The following PIGR variants were observed in gnomAD, a reference collection of about 807,000 sequenced individuals.
The protein encoded by PIGR is hepatocellular carcinoma associated protein TB6.
A neutral mutation model predicts 69.5 loss-of-function variants in PIGR; 22 were observed. The ratio of observed to expected loss-of-function variants is 0.32; its 90% confidence interval spans 0.23 to 0.45. The LOEUF (loss-of-function observed/expected upper bound fraction) is 0.45, where lower values mean the gene tolerates loss of function less well. PIGR is among the 20% of genes least tolerant of loss of function. The pLI, the probability that PIGR is intolerant of heterozygous loss-of-function variation, is 1.00. For synonymous variants in PIGR, 413 were observed against 407.6 expected (o/e 1.01, Z -0.16); for missense variants, 885 against 974.0 (o/e 0.91, Z 1.22).
At position 206,933,809 on chromosome 1, in the gene PIGR, G is replaced by T. The variant is rs965160680; in HGVS notation, c.1705+611C>A. ...TATGCATATTATTCTTCTATACAGA[G>T]AAGAATATTTCCAGATATAGAAGAG... On this transcript the variant is annotated intron_variant, in intron 6 of 10. Transcript: ENST00000356495. 2.0e-4 allele frequency among the ~76,000 whole-genome samples: 31 copies of T among 152,036 alleles called. 1 individual carries two copies. Among genetic ancestry groups the T allele is most frequent in the Non-Finnish European group, 2.9e-5 (2 of 68,024 alleles).
chr1:206,933,508 A>T (rs976290247), intron 6 of PIGR, among the ~76,000 whole-genome samples: 2 of 152,152 alleles, frequency 1.3e-5, no homozygotes, highest in Admixed American at 1.3e-4. Context: ...GCTGGGTATG[A>T]TAGTGCTGCC....
At chr1:206,939,588 A>C (rs1341692121) in intron 2 of PIGR, 125 bp from the exon 3 acceptor site, 2 of 601,556 alleles carry the variant, frequency 3.3e-6, no homozygotes, top group Non-Finnish European at 5.9e-6. Flanking sequence ...AATTTATCAT[A>C]TATCACAGCT....
intron 1 of PIGR, among the ~76,000 whole-genome samples, chr1:206,943,768 G>C (rs1340828517): frequency 2.0e-5 from 3 of 152,200 alleles, no homozygotes; most frequent in Non-Finnish European, 2.9e-5. Flanking sequence ...TAGAGAGATG[G>C]AGAGTGAGCT....
intron 3 of PIGR, among the ~76,000 whole-genome samples, chr1:206,938,832 CAAACACCAGA>C (rs1228817522): frequency 6.6e-6 from 1 of 152,130 alleles, no homozygotes; most frequent in Non-Finnish European, 1.5e-5. Flanking sequence ...CTACCTGTAG[CAAACACCAGA>C]AAACTTGTCC....
Position 206,937,299 on chromosome 1 carries a change from C to T in PIGR, c.841G>A (p.Val281Met), listed in dbSNP as rs533063995. 20 of 1,613,136 alleles carry T rather than the reference C, an allele frequency of 1.2e-5. No homozygotes were observed. The highest frequency in any genetic ancestry group is 1.7e-5 in the Admixed American group (1 of 59,898). ...CRQSSGENCD[V>M]VVNTLGKRAP... Reference sequence around the variant, plus strand: ...CTCTTCCCCAGGGTGTTGACGACCACGTCACAGTTTTCCCCACTGCTCTGT... The same window carrying T: ...CTCTTCCCCAGGGTGTTGACGACCATGTCACAGTTTTCCCCACTGCTCTGT... Residue 281 changes from valine to methionine, a missense_variant, in exon 4 of 11, where the codon GTG (valine) becomes ATG (methionine). Val to Met is a conservative substitution (Grantham distance 21, BLOSUM62 1). Transcript: ENST00000356495.
Position 206,937,156 on chromosome 1 carries a change from A to G in PIGR, c.984T>C (p.His328=). 6.2e-7 allele frequency: 1 copy of G among 1,613,482 alleles called. No individual in the cohort carries two copies. The highest frequency in any genetic ancestry group is 8.5e-7 in the Non-Finnish European group (1 of 1,179,730). ...EDAGRYLCGA[H]SDGQLQEGSP... is the part of the protein sequence containing the mutation. ...AGCCTTCCTGCAGCTGACCATCCGA[A>G]TGGGCTCCACACAGGTAGCGCCCTG... Residue 328 remains histidine (H), a synonymous_variant, in exon 4 of 11, where the codon CAT becomes CAC. Coordinates refer to ENST00000356495, the MANE Select transcript of PIGR (RefSeq NM_002644.4).
At chr1:206,936,094 G>T (rs1365761296) in intron 4 of PIGR, among the ~76,000 whole-genome samples, 1 of 152,196 alleles carries the variant, frequency 6.6e-6, no homozygotes, top group African/African-American at 2.4e-5. Flanking sequence ...AATGGAAGGA[G>T]TTGAAGGAGA....
At chr1:206,944,981 C>A (rs1190099578) in intron 1 of PIGR, among the ~76,000 whole-genome samples, 1 of 152,142 alleles carries the variant, frequency 6.6e-6, no homozygotes, top group Non-Finnish European at 1.5e-5. Flanking sequence ...GGTGTGAAAG[C>A]CCAGGGCAAG....
chr1:206,940,574 C>G lies in PIGR; in HGVS notation c.-43G>C. On this transcript the variant is annotated 5_prime_UTR_variant, in exon 2 of 11. Coordinates refer to ENST00000356495, the MANE Select transcript of PIGR (RefSeq NM_002644.4). Reference sequence around the variant, plus strand: ...CGCCGCACCACTCAGGCCGACTTCTCCTGTGCAATGCTGAAAAACAATAAT... The same window carrying G: ...CGCCGCACCACTCAGGCCGACTTCTGCTGTGCAATGCTGAAAAACAATAAT... The G allele has an allele frequency of 6.5e-7, 1 of 1,533,882 alleles. No homozygotes were observed. Among genetic ancestry groups the G allele is most frequent in the South Asian group, 1.2e-5 (1 of 81,942 alleles).
At position 206,939,062 on chromosome 1, in the gene PIGR, A is replaced by G. The variant is rs1373630613; in HGVS notation, c.388+57T>C. The stretch of plus-strand genomic sequence containing the variant: ...AAGTTCCTCCTCAAGCCCTCCATGC[A>G]CCTTAGAGAATTCCCTCTAACTTTC... On this transcript the variant is annotated intron_variant, in intron 3 of 10. Coordinates refer to ENST00000356495, the MANE Select transcript of PIGR (RefSeq NM_002644.4). The G allele has an allele frequency of 4.1e-6, 6 of 1,452,898 alleles. No individual in the cohort carries two copies. The East Asian group carries it at 9.1e-5, about 22-fold the overall frequency. The allele number at this position is 1,452,898 out of a possible 1,614,324, so 90.0% of individuals were successfully genotyped here. A position where few individuals can be genotyped will look rare whatever the true frequency, so the allele number is the denominator to read the frequency against.
At position 206,937,130 on chromosome 1, in the gene PIGR, G is replaced by T; in HGVS notation, c.1010C>A (p.Ser337Ter). 2 of 1,610,214 alleles carry T rather than the reference G, an allele frequency of 1.2e-6. No homozygotes were observed. Among genetic ancestry groups the T allele is most frequent in the Non-Finnish European group, 1.7e-6 (2 of 1,178,084 alleles). ...AHSDGQLQEG[S>*]PIQAWQLFVN... ...GAAGAGTTGCCAGGCCTGGATAGGC[G>T]AGCCTTCCTGCAGCTGACCATCCGA... The change falls in exon 4 of 11, where the codon TCG becomes TAG. Residue 337 changes from serine (S) to a stop codon, truncating the protein, a stop_gained. Transcript: ENST00000356495. LOFTEE classifies it high-confidence loss of function.
chr1:206,945,936 T>A (rs1368793439), intron 1 of PIGR, among the ~76,000 whole-genome samples: 1 of 152,234 alleles, frequency 6.6e-6, no homozygotes, highest in African/African-American at 2.4e-5. Flanking sequence ...TAGGTGTTAT[T>A]TCTATCTTTG....
intron 1 of PIGR, among the ~76,000 whole-genome samples, chr1:206,942,835 C>T (rs550188228): frequency 6.6e-6 from 1 of 152,210 alleles, no homozygotes; most frequent in Non-Finnish European, 1.5e-5. Flanking sequence ...ATCAGGCATG[C>T]ACAGGCAGGT....
intron 3 of PIGR, 143 bp from the exon 4 acceptor site, chr1:206,937,894 A>G (rs915008419): frequency 1.4e-6 from 1 of 708,716 alleles, no homozygotes; most frequent in Non-Finnish European, 2.3e-6. Flanking sequence ...ATGCTGTCGG[A>G]AGGCCCAGCT....
At chr1:206,937,808 C>T in intron 3 of PIGR, 57 bp from the exon 4 acceptor site, 1 of 1,476,720 alleles carries the variant, frequency 6.8e-7, no homozygotes, top group Admixed American at 1.8e-5. Flanking sequence ...TACTTTCTTG[C>T]AACATAGGAC....
rs181342447 is a variant in PIGR, at chr1:206,940,441, G to C, written c.43+48C>G. ...CCAGGGAGGTGAACCCTGGAGTCGG[G>C]CAGGCTGAAGGGGTGGAGCTTGGAG... On this transcript the variant is annotated intron_variant, in intron 2 of 10. Coordinates refer to ENST00000356495, the MANE Select transcript of PIGR (RefSeq NM_002644.4). 3 of 1,533,308 alleles carry C rather than the reference G, an allele frequency of 2.0e-6. No individual in the cohort carries two copies. The African/African-American group carries it at 4.1e-5, about 21-fold the overall frequency. 95.0% of individuals were successfully genotyped at this position (1,533,308 alleles called of 1,614,324 possible). A position where few individuals can be genotyped will look rare whatever the true frequency, so the allele number is the denominator to read the frequency against.
At chr1:206,945,614 A>G (rs968887944) in intron 1 of PIGR, among the ~76,000 whole-genome samples, 1 of 152,188 alleles carries the variant, frequency 6.6e-6, no homozygotes, top group South Asian at 2.1e-4. Context: ...TATGTCTCCC[A>G]TGGCAGGAAT....
chr1:206,930,235 G>A lies in PIGR; in HGVS notation c.*83C>T. ...AGGCAGGTGTTAGAGCAGGGAGTGG[G>A]GTCCCCAGGAGCTGAGGGCCCCAGG... On this transcript the variant is annotated 3_prime_UTR_variant, in exon 11 of 11. Coordinates refer to ENST00000356495, the MANE Select transcript of PIGR (RefSeq NM_002644.4). The surrounding 1 kb of genome is among the most constrained non-coding windows in gnomAD (Gnocchi z 4.3). The A allele has an allele frequency of 8.1e-7, 1 of 1,237,102 alleles. No homozygotes were observed. The highest frequency in any genetic ancestry group is 1.1e-6 in the Non-Finnish European group (1 of 890,304). The allele number at this position is 1,237,102 out of a possible 1,614,324, so 76.6% of individuals were successfully genotyped here.
chr1:206,935,826 C>G lies in PIGR; in HGVS notation c.1046-8G>C, dbSNP rs375351910. ...TGCGGGGAATCGTGGACTCTGGAAG[C>G]ACAGACAGAGATGGGATGGGAGGAT... On this transcript the variant is annotated splice_region_variant and splice_polypyrimidine_tract_variant and intron_variant, in intron 4 of 10. Transcript: ENST00000356495. This position sits in a 1 kb window ranked among gnomAD's most constrained non-coding sequence, Gnocchi z 4.4. 4.4e-6 allele frequency: 7 copies of G among 1,581,070 alleles called. No homozygotes were observed. In the South Asian group the frequency reaches 4.6e-5, roughly 10 times the overall value.
Sources: gnomAD v4.1 joint callset for allele counts (sites outside exome capture counted in the v4.1 genomes callset) on GRCh38, gnomAD v4.1.1 for gene constraint, Gnocchi (gnomAD v3.1) non-coding constraint, MANE v1.5 for transcripts, NCBI Gene and HGNC (gene_info 2026-07-23, HGNC 2026-07-21) for gene names.